The following FUT9 variants were observed in gnomAD, a reference collection of about 807,000 sequenced individuals.
The protein encoded by FUT9 is fucosyltransferase 9, also known as 4-galactosyl-N-acetylglucosaminide 3-alpha-L-fucosyltransferase 9.
Under a neutral mutation model 29.7 loss-of-function variants are expected in FUT9, and 15 were observed. The ratio of observed to expected loss-of-function variants is 0.51; its 90% CI spans 0.34 to 0.78. The LOEUF is 0.78. FUT9 is among the 30% of genes least tolerant of loss of function. The probability of loss-of-function intolerance (pLI) is 0.01; values close to 1 mark genes in which losing one functional copy is unlikely to be tolerated. For synonymous variants in FUT9, 169 were observed against 153.7 expected (o/e 1.10, Z -0.74); for missense variants, 319 against 425.4 (o/e 0.75, Z 2.20).
At chr6:96,024,724 A>G (rs771610350) in intron 1 of FUT9, among the ~76,000 whole-genome samples, 3 of 151,752 alleles carry the variant, frequency 2.0e-5, no homozygotes, top group Non-Finnish European at 4.4e-5. Context: ...TTCTCTGCAC[A>G]GTGTTGATAA....
chr6:96,190,159 C>A (rs370554574), intron 2 of FUT9, among the ~76,000 whole-genome samples: 1 of 152,082 alleles, frequency 6.6e-6, no homozygotes. Context: ...TTCTCCTTCA[C>A]TTATGAAGCT....
intron 1 of FUT9, among the ~76,000 whole-genome samples, chr6:96,063,339 C>T (rs1770908192): frequency 6.6e-6 from 1 of 152,008 alleles, no homozygotes; most frequent in South Asian, 2.1e-4. Context: ...TCTGGGGAGG[C>T]CTCAGGAAGC....
intron 2 of FUT9, among the ~76,000 whole-genome samples, chr6:96,140,892 T>C (rs1225757181): frequency 6.6e-6 from 1 of 152,208 alleles, no homozygotes; most frequent in African/African-American, 2.4e-5. Flanking sequence ...ATGCATTACA[T>C]ACCTAAAATC....
chr6:96,172,588 T>C (rs778852039), intron 2 of FUT9, among the ~76,000 whole-genome samples: 24 of 151,806 alleles, frequency 1.6e-4, no homozygotes, highest in Non-Finnish European at 3.4e-4. Context: ...GGTTTCTACA[T>C]CATACCACCA....
intron 1 of FUT9, among the ~76,000 whole-genome samples, chr6:96,101,377 A>G (rs536741585): frequency 3.3e-5 from 5 of 151,920 alleles, no homozygotes; most frequent in African/African-American, 9.6e-5. Flanking sequence ...CATCTCTACT[A>G]AAAATACAAA....
chr6:96,198,395 A>C (rs1398064511), intron 2 of FUT9, among the ~76,000 whole-genome samples: 1 of 151,696 alleles, frequency 6.6e-6, no homozygotes, highest in Non-Finnish European at 1.5e-5. Flanking sequence ...GCAATAGTTT[A>C]CTGAGAATGA....
rs995126877 is a variant in FUT9, at chr6:96,208,149, C to A, written c.*3914C>A. The stretch of plus-strand genomic sequence containing the variant: ...AATATTTAGGAATTATTTGCGGAGG[C>A]TTTAAATTCTTACCTCCAATTGGAG... On this transcript the variant is annotated 3_prime_UTR_variant, in exon 3 of 3. Coordinates refer to ENST00000302103, the MANE Select transcript of FUT9 (RefSeq NM_006581.4). The A allele has an allele frequency of 6.0e-6, 1 of 166,822 alleles. No homozygotes were observed. The highest frequency in any genetic ancestry group is 1.5e-5 in the Non-Finnish European group (1 of 67,988). The allele number at this position is 166,822 out of a possible 1,614,324, so 10.3% of individuals were successfully genotyped here.
intron 1 of FUT9, among the ~76,000 whole-genome samples, chr6:96,108,671 C>T (rs558300014): frequency 3.9e-4 from 60 of 152,240 alleles, no homozygotes; most frequent in African/African-American, 1.4e-3. Flanking sequence ...GATATTAGTC[C>T]TAAAATGACA....
At chr6:96,146,856 G>A (rs1008542538) in intron 2 of FUT9, among the ~76,000 whole-genome samples, 1 of 152,180 alleles carries the variant, frequency 6.6e-6, no homozygotes, top group Non-Finnish European at 1.5e-5. Context: ...GCTGCTAATT[G>A]ACAAGCCCAA....
chr6:96,042,034 A>G (rs1770470153), intron 1 of FUT9, among the ~76,000 whole-genome samples: 1 of 152,184 alleles, frequency 6.6e-6, no homozygotes, highest in Admixed American at 6.5e-5. Context: ...CCTCTGGAAT[A>G]GAAACCATCC....
chr6:96,191,876 T>C (rs1041466468), intron 2 of FUT9, among the ~76,000 whole-genome samples: 1 of 152,156 alleles, frequency 6.6e-6, no homozygotes, highest in Non-Finnish European at 1.5e-5. Context: ...GCTTCATCCC[T>C]GGGATGCAAG....
At chr6:96,077,170 T>C (rs1304805972) in intron 1 of FUT9, among the ~76,000 whole-genome samples, 1 of 152,148 alleles carries the variant, frequency 6.6e-6, no homozygotes, top group East Asian at 1.9e-4. Context: ...AATGCTATTG[T>C]TGTTTTTGAC....
chr6:96,062,792 T>C (rs541707096), intron 1 of FUT9, among the ~76,000 whole-genome samples: 1 of 152,048 alleles, frequency 6.6e-6, no homozygotes, highest in South Asian at 2.1e-4. Flanking sequence ...TTCCCCTTTG[T>C]AAAAAAAGAA....
intron 1 of FUT9, among the ~76,000 whole-genome samples, chr6:96,016,673 C>G (rs62418395): frequency 0.053 from 8,005 of 152,228 alleles, 431 homozygotes; most frequent in Admixed American, 0.13. Context: ...GCCTGGCTCT[C>G]GAGCCCGACT....
At chr6:96,148,838 T>A (rs946532475) in intron 2 of FUT9, among the ~76,000 whole-genome samples, 20 of 152,160 alleles carry the variant, frequency 1.3e-4, no homozygotes, top group African/African-American at 4.8e-4. Flanking sequence ...TGACCCTGGC[T>A]TAAAATGTGG....
At chr6:96,186,740 T>TAAG (rs1410971087) in intron 2 of FUT9, among the ~76,000 whole-genome samples, 1 of 152,104 alleles carries the variant, frequency 6.6e-6, no homozygotes, top group Admixed American at 6.6e-5. Flanking sequence ...ATTTCAGATC[T>TAAG]AAGGGCTGAG....
chr6:96,130,709 A>T (rs914204237), intron 2 of FUT9, among the ~76,000 whole-genome samples: 1 of 152,182 alleles, frequency 6.6e-6, no homozygotes, highest in African/African-American at 2.4e-5. Flanking sequence ...TTTCTTTGAC[A>T]CAATTTTAAT....
At chr6:96,136,839 T>C (rs1772357657) in intron 2 of FUT9, among the ~76,000 whole-genome samples, 1 of 151,966 alleles carries the variant, frequency 6.6e-6, no homozygotes, top group Admixed American at 6.6e-5. Flanking sequence ...AATGCCATTC[T>C]CAAACAAATT....
In FUT9 at chr6:96,152,744, C is replaced by T. The variant is rs138380968; in HGVS notation, c.-9+38617C>T. Among the ~76,000 whole-genome samples, 187 of 152,202 alleles carry T rather than the reference C, an allele frequency of 1.2e-3. 1 individual carries two copies. The highest frequency in any genetic ancestry group is 4.2e-3 in the African/African-American group (174 of 41,520). ...ATGATTTGTTGTAAGACTTTGCCTA[C>T]GAATATTCTGCCAAGTACAAATAAT... is the stretch of plus-strand genomic sequence containing the variant. On this transcript the variant is annotated intron_variant, in intron 2 of 2. Transcript: ENST00000302103.
Sources: allele counts gnomAD v4.1 joint callset (sites outside exome capture counted in the v4.1 genomes callset), GRCh38; gene constraint gnomAD v4.1.1; transcripts MANE v1.5; gene names NCBI Gene and HGNC (gene_info 2026-07-23, HGNC 2026-07-21).